Variants in SH3RF1 observed in about 807,000 individuals in gnomAD.
The protein encoded by SH3RF1 is E3 ubiquitin-protein ligase SH3RF1.
A neutral mutation model predicts 74.0 loss-of-function variants in SH3RF1; 32 were observed. The observed-to-expected ratio is 0.43, with a 90% confidence interval of 0.33 to 0.58. SH3RF1 has a LOEUF of 0.58. Ranked by LOEUF, SH3RF1 falls within the 20% of genes least tolerant of loss-of-function variation. SH3RF1 has a pLI of 0.05. For synonymous variants in SH3RF1, 396 were observed against 439.6 expected, an observed-to-expected ratio of 0.90 and a Z score of 1.24; for missense variants, 954 against 1,130.9, an observed-to-expected ratio of 0.84 and a Z score of 2.24.
rs1417255166 is a variant in SH3RF1 at position 169,184,179 on chromosome 4, T to C, written c.394-27500A>G. ...TTACTGTGAACCGACATCCCCTACT[T>C]CTGAAATCCATTTGGTACGGCAGGA... On this transcript the variant is annotated intron_variant, in intron 2 of 11. Transcript: ENST00000284637. Among the ~76,000 whole-genome samples, 7 of 152,172 alleles carry C rather than the reference T, an allele frequency of 4.6e-5. No homozygotes were observed. In the South Asian group the frequency reaches 1.4e-3, roughly 31 times the overall value.
intron 2 of SH3RF1, among the ~76,000 whole-genome samples, chr4:169,162,996 G>A (rs951795724): frequency 1.3e-5 from 2 of 151,942 alleles, no homozygotes; most frequent in Non-Finnish European, 2.9e-5. Flanking sequence ...CTAATGGAGT[G>A]TCTAACTCAG....
intron 4 of SH3RF1, among the ~76,000 whole-genome samples, chr4:169,140,834 C>T (rs1373530512): frequency 6.6e-6 from 1 of 152,092 alleles, no homozygotes; most frequent in Non-Finnish European, 1.5e-5. Context: ...CTACAGGATA[C>T]AAACAGTAGA....
chr4:169,163,508 C>T (rs1462191137), intron 2 of SH3RF1, among the ~76,000 whole-genome samples: 2 of 152,124 alleles, frequency 1.3e-5, no homozygotes, highest in Non-Finnish European at 2.9e-5. Context: ...AAGAGAGATA[C>T]AGGAAACTAG....
intron 2 of SH3RF1, among the ~76,000 whole-genome samples, chr4:169,173,204 A>C (rs897873487): frequency 6.6e-6 from 1 of 152,136 alleles, no homozygotes; most frequent in Non-Finnish European, 1.5e-5. Flanking sequence ...AAAAGAAAAG[A>C]AGCAAATCTA....
At chr4:169,169,264 C>T (rs1380224401) in intron 2 of SH3RF1, among the ~76,000 whole-genome samples, 2 of 152,084 alleles carry the variant, frequency 1.3e-5, no homozygotes, top group Admixed American at 6.6e-5. Context: ...ATAGGGTAGG[C>T]TCAAAGTCTT....
At chr4:169,233,523 T>C (rs1730777564) in intron 2 of SH3RF1, among the ~76,000 whole-genome samples, 1 of 152,206 alleles carries the variant, frequency 6.6e-6, no homozygotes, top group African/African-American at 2.4e-5. Flanking sequence ...CAAAGTGTTT[T>C]ATATCTATTA....
intron 2 of SH3RF1, among the ~76,000 whole-genome samples, chr4:169,163,476 C>T (rs35169897): frequency 0.21 from 32,246 of 151,910 alleles, 3,870 homozygotes; most frequent in Non-Finnish European, 0.29. Flanking sequence ...TTAGTAAATA[C>T]CTATATTTAG....
chr4:169,190,754 GA>G (rs1409000014), intron 2 of SH3RF1, among the ~76,000 whole-genome samples: 2 of 152,034 alleles, frequency 1.3e-5, no homozygotes, highest in East Asian at 3.9e-4. Context: ...CCAAAACCAG[GA>G]AAGGATATAA....
intron 2 of SH3RF1, among the ~76,000 whole-genome samples, chr4:169,186,279 T>C (rs1442709326): frequency 2.0e-5 from 3 of 151,972 alleles, no homozygotes; most frequent in Non-Finnish European, 4.4e-5. Flanking sequence ...ATAATCTGTA[T>C]AACAAACCCC....
chr4:169,243,779 G>A (rs1730951613), intron 2 of SH3RF1, among the ~76,000 whole-genome samples: 1 of 152,122 alleles, frequency 6.6e-6, no homozygotes, highest in Non-Finnish European at 1.5e-5. Flanking sequence ...GAACTTTTTA[G>A]AATCAGAATT....
At chr4:169,237,471 T>C (rs1730838782) in intron 2 of SH3RF1, among the ~76,000 whole-genome samples, 1 of 152,082 alleles carries the variant, frequency 6.6e-6, no homozygotes, top group Admixed American at 6.5e-5. Flanking sequence ...CCCAACCCCA[T>C]CTCTATTTTT....
At chr4:169,115,031 T>A (rs1469741144) in intron 10 of SH3RF1, among the ~76,000 whole-genome samples, 1 of 152,162 alleles carries the variant, frequency 6.6e-6, no homozygotes, top group Admixed American at 6.5e-5. Context: ...TTCTTTTTCT[T>A]TTTACATTTA....
At chr4:169,206,967 C>CTT (rs199824103) in intron 2 of SH3RF1, among the ~76,000 whole-genome samples, 1 of 148,664 alleles carries the variant, frequency 6.7e-6, no homozygotes, top group East Asian at 2.0e-4. Context: ...CCCCATTTCT[C>CTT]TTTTTTTTTT....
At chr4:169,216,960 G>C (rs957571645) in intron 2 of SH3RF1, among the ~76,000 whole-genome samples, 5 of 143,222 alleles carry the variant, frequency 3.5e-5, no homozygotes, top group Non-Finnish European at 7.5e-5. Context: ...AGACCAGCCT[G>C]AGCAACATGG....
At chr4:169,187,509 C>A (rs182054390) in intron 2 of SH3RF1, among the ~76,000 whole-genome samples, 2 of 140,114 alleles carry the variant, frequency 1.4e-5, no homozygotes, top group African/African-American at 5.4e-5. Context: ...TTCTTTACAA[C>A]GAATTTCTGT....
chr4:169,095,069 C>G lies in SH3RF1; in HGVS notation c.*1450G>C, dbSNP rs1732892249. On this transcript the variant is annotated 3_prime_UTR_variant, in exon 12 of 12. Coordinates refer to ENST00000284637, the MANE Select transcript of SH3RF1 (RefSeq NM_020870.4). ...ACCGTAATGAAATCGGTGGGAGAGG[C>G]CAATGACATCAAGGAATGGATATAA... The G allele has an allele frequency of 6.6e-6, 1 of 152,532 alleles. No individual in the cohort carries two copies. The highest frequency in any genetic ancestry group is 1.5e-5 in the Non-Finnish European group (1 of 68,030). 9.4% of individuals were successfully genotyped at this position (152,532 alleles called of 1,614,324 possible). A position where few individuals can be genotyped will look rare whatever the true frequency, so the allele number is the denominator to read the frequency against.
chr4:169,124,604 T>C (rs561921164), intron 6 of SH3RF1, among the ~76,000 whole-genome samples: 17 of 152,344 alleles, frequency 1.1e-4, no homozygotes, highest in Admixed American at 6.5e-4. Flanking sequence ...AGTGCATGCA[T>C]GTTTGCATGT....
At chr4:169,247,674 G>A (rs1340497565) in intron 2 of SH3RF1, among the ~76,000 whole-genome samples, 1 of 152,128 alleles carries the variant, frequency 6.6e-6, no homozygotes, top group Non-Finnish European at 1.5e-5. Context: ...TGGATCTTGC[G>A]ATCTGAGTCT....
At chr4:169,216,693 T>C (rs1187605764) in intron 2 of SH3RF1, among the ~76,000 whole-genome samples, 1 of 152,186 alleles carries the variant, frequency 6.6e-6, no homozygotes, top group Non-Finnish European at 1.5e-5. Flanking sequence ...AATCACTAAT[T>C]CAAAAATAAT....
Sources: gnomAD v4.1 joint callset for allele counts (sites outside exome capture counted in the v4.1 genomes callset) on GRCh38, gnomAD v4.1.1 for gene constraint, MANE v1.5 for transcripts, NCBI Gene and HGNC (gene_info 2026-07-23, HGNC 2026-07-21) for gene names.